COL11A1: variants seen among roughly 807,000 people sequenced by gnomAD.
The protein encoded by COL11A1 is collagen type XI alpha 1 chain, also known as collagen alpha-1(XI) chain.
COL11A1 carries 74 observed loss-of-function variants against 265.2 expected under a neutral mutation model. That is an observed-to-expected ratio of 0.28 (90% CI 0.23 to 0.34). The LOEUF (loss-of-function observed/expected upper bound fraction) is 0.34. Among genes scored for constraint, COL11A1 ranks in the 10% least tolerant of loss-of-function variants. The pLI is 1.00. For synonymous variants in COL11A1, 816 were observed against 727.6 expected (o/e 1.12, Z -1.96); for missense variants, 2,165 against 2,263.6 (o/e 0.96, Z 0.88).
At chr1:102,968,108 G>C (rs952082907) in intron 37 of COL11A1, among the ~76,000 whole-genome samples, 4 of 152,130 alleles carry the variant, frequency 2.6e-5, no homozygotes, top group African/African-American at 9.7e-5. Context: ...AACTACACAG[G>C]AAAACTTTTA....
chr1:103,015,603 C>T, intron 12 of COL11A1, 65 bp downstream of exon 12: 1 of 1,239,136 alleles, frequency 8.1e-7, no homozygotes. Context: ...TATGGTTCAA[C>T]AATAAACTTC....
At chr1:103,026,409 C>G in intron 5 of COL11A1, 77 bp from the exon 6 acceptor site, 1 of 918,114 alleles carries the variant, frequency 1.1e-6, no homozygotes, top group Non-Finnish European at 1.8e-6. Flanking sequence ...ACCATCTTAA[C>G]TTTTACATAG....
At chr1:102,903,754 T>A (rs1653528405) in intron 54 of COL11A1, among the ~76,000 whole-genome samples, 1 of 152,202 alleles carries the variant, frequency 6.6e-6, no homozygotes, top group South Asian at 2.1e-4. Flanking sequence ...TTCATAGAAT[T>A]CACTCTGCAT....
intron 18 of COL11A1, among the ~76,000 whole-genome samples, 181 bp from the exon 19 acceptor site, chr1:103,004,842 A>C (rs1665447659): frequency 6.6e-6 from 1 of 152,054 alleles, no homozygotes. Context: ...CTGGCTTTAC[A>C]TGTTAGTATG....
chr1:102,911,998 C>T (rs1192863884), intron 54 of COL11A1, among the ~76,000 whole-genome samples, 161 bp downstream of exon 54: 1 of 152,116 alleles, frequency 6.6e-6, no homozygotes, highest in East Asian at 1.9e-4. Flanking sequence ...AGAATATGTT[C>T]TATTTTAGTT....
intron 14 of COL11A1, among the ~76,000 whole-genome samples, chr1:103,012,115 TG>T (rs897673319): frequency 6.6e-6 from 1 of 152,216 alleles, no homozygotes; most frequent in Non-Finnish European, 1.5e-5. Flanking sequence ...AACATAATTT[TG>T]GAAGCTGAAT....
intron 57 of COL11A1, among the ~76,000 whole-genome samples, chr1:102,895,086 T>C (rs115438359): frequency 0.01 from 1,532 of 152,308 alleles, 12 homozygotes; most frequent in Non-Finnish European, 0.014. Context: ...TTTTTTACCA[T>C]GTGAAATATG....
chr1:103,023,942 A>G (rs1667311217), intron 7 of COL11A1, among the ~76,000 whole-genome samples: 1 of 152,302 alleles, frequency 6.6e-6, no homozygotes, highest in East Asian at 1.9e-4. Flanking sequence ...AGAGTAAGGA[A>G]TAAATATTAA....
At chr1:102,883,100 TA>T in intron 64 of COL11A1, 98 bp downstream of exon 64, 1 of 816,652 alleles carries the variant, frequency 1.2e-6, no homozygotes, top group South Asian at 1.4e-5. Context: ...GAAAAGCAGA[TA>T]AATGAAAATA....
chr1:102,885,488 C>T (rs1189471225), intron 63 of COL11A1, among the ~76,000 whole-genome samples: 1 of 152,088 alleles, frequency 6.6e-6, no homozygotes, highest in Non-Finnish European at 1.5e-5. Context: ...GCTTTATCTT[C>T]TGCTACTACT....
intron 6 of COL11A1, 179 bp from the exon 7 acceptor site, chr1:103,025,792 T>G: frequency 6.2e-7 from 1 of 1,612,904 alleles, no homozygotes; most frequent in South Asian, 1.1e-5. Flanking sequence ...TTGCTTTTTC[T>G]TCGCTACCTT....
intron 49 of COL11A1, among the ~76,000 whole-genome samples, chr1:102,919,800 G>A (rs569018744): frequency 6.6e-6 from 1 of 152,004 alleles, no homozygotes; most frequent in Non-Finnish European, 1.5e-5. Context: ...AAGTGACAAG[G>A]ATAGGTCAGA....
intron 4 of COL11A1, among the ~76,000 whole-genome samples, chr1:103,064,088 G>A (rs772995533): frequency 1.3e-5 from 2 of 152,168 alleles, no homozygotes; most frequent in Non-Finnish European, 2.9e-5. Flanking sequence ...AAGCTGTGAA[G>A]CAAAACAAAC....
rs1168567788 is a variant in COL11A1, at chr1:102,961,929, G to A, written c.3115-10C>T. 1 of 1,611,276 alleles carries A rather than the reference G, an allele frequency of 6.2e-7. No homozygotes were observed. Among genetic ancestry groups the A allele is most frequent in the Non-Finnish European group, 8.5e-7 (1 of 1,178,934 alleles). ...TCAGTCCAGGTGCACCCTGGGAAAA[G>A]TGAAAAAAATAAAGAAAATGAATCC... On this transcript the variant is annotated splice_polypyrimidine_tract_variant and intron_variant, in intron 40 of 66. Transcript: ENST00000370096.
intron 1 of COL11A1, among the ~76,000 whole-genome samples, chr1:103,099,295 C>T (rs1196010319): frequency 6.6e-6 from 1 of 151,524 alleles, no homozygotes; most frequent in Non-Finnish European, 1.5e-5. Flanking sequence ...TTTTGAAGCT[C>T]TATATATTTC....
chr1:103,065,263 A>G (rs901995995), intron 4 of COL11A1, among the ~76,000 whole-genome samples: 7 of 152,194 alleles, frequency 4.6e-5, no homozygotes, highest in Admixed American at 2.0e-4. Flanking sequence ...GCTCACGCCT[A>G]TAATCCCAGC....
chr1:102,957,249 A>G (rs879884373), intron 41 of COL11A1, among the ~76,000 whole-genome samples: 14 of 152,076 alleles, frequency 9.2e-5, no homozygotes, highest in Non-Finnish European at 1.8e-4. Flanking sequence ...GAACACTTGA[A>G]TGGATACATT....
At chr1:103,019,381 A>G (rs992898792) in intron 9 of COL11A1, among the ~76,000 whole-genome samples, 1 of 152,070 alleles carries the variant, frequency 6.6e-6, no homozygotes, top group Non-Finnish European at 1.5e-5. Context: ...CAGAATAAGA[A>G]CTCAGTTCTA....
At chr1:103,064,926 T>C (rs1027667104) in intron 4 of COL11A1, among the ~76,000 whole-genome samples, 3 of 151,968 alleles carry the variant, frequency 2.0e-5, no homozygotes, top group African/African-American at 7.3e-5. Context: ...GAAAGAAAGA[T>C]TTTTAGTGCA....
Sources: gnomAD v4.1 joint callset for allele counts (sites outside exome capture counted in the v4.1 genomes callset) on GRCh38, gnomAD v4.1.1 for gene constraint, MANE v1.5 for transcripts, NCBI Gene and HGNC (gene_info 2026-07-23, HGNC 2026-07-21) for gene names.